ARHGEF3: variants seen among roughly 807,000 people sequenced by gnomAD.
The protein encoded by ARHGEF3 is Rho guanine nucleotide exchange factor 3, also known as 59.8 kDA protein.
A neutral mutation model predicts 63.2 loss-of-function variants in ARHGEF3; 28 were observed. The observed-to-expected ratio is 0.44, with a 90% CI of 0.33 to 0.61. The LOEUF (loss-of-function observed/expected upper bound fraction) is 0.61, where lower values mean the gene tolerates loss of function less well. Ranked by LOEUF, ARHGEF3 falls within the 20% of genes least tolerant of loss-of-function variation. The probability of loss-of-function intolerance (pLI) is 0.03; values close to 1 mark genes in which losing one functional copy is unlikely to be tolerated. For synonymous variants in ARHGEF3, 266 were observed against 254.2 expected (o/e 1.05, Z -0.44); for missense variants, 533 against 659.3 (o/e 0.81, Z 2.10).
At chr3:56,744,502 G>A (rs1051852676) in intron 7 of ARHGEF3, among the ~76,000 whole-genome samples, 1 of 150,936 alleles carries the variant, frequency 6.6e-6, no homozygotes, top group Non-Finnish European at 1.5e-5. Flanking sequence ...AGGCTCAAGC[G>A]ATTCTTGTGC....
At chr3:56,967,782 A>G (rs1356066201) in intron 2 of ARHGEF3, among the ~76,000 whole-genome samples, 28 of 86,066 alleles carry the variant, frequency 3.3e-4, no homozygotes, top group Non-Finnish European at 4.8e-4. Context: ...ATTATATTAT[A>G]TGATTATATA....
upstream of ARHGEF3, among the ~76,000 whole-genome samples, chr3:56,803,427 C>T (rs780750374): frequency 7.5e-5 from 11 of 146,720 alleles, no homozygotes; most frequent in South Asian, 6.5e-4. Flanking sequence ...TGACAGAGAC[C>T]CTGAGAAAAA....
intron 3 of ARHGEF3, among the ~76,000 whole-genome samples, chr3:56,958,059 A>T (rs989410849): frequency 6.6e-6 from 1 of 152,080 alleles, no homozygotes; most frequent in Non-Finnish European, 1.5e-5. Context: ...TGATTCCTAA[A>T]ATCTGTTTAA....
intron 1 of ARHGEF3, among the ~76,000 whole-genome samples, chr3:57,056,384 CAAA>C (rs10666149): frequency 2.5e-4 from 27 of 108,350 alleles, no homozygotes; most frequent in Admixed American, 8.9e-4. Context: ...AAGACTCCAT[CAAA>C]AAAAAAAAAA....
At chr3:56,781,659 A>T (rs139837489) in intron 1 of ARHGEF3, among the ~76,000 whole-genome samples, 6 of 152,352 alleles carry the variant, frequency 3.9e-5, no homozygotes, top group African/African-American at 4.8e-5. Context: ...AAACTAACAC[A>T]GGTGGTGTCT....
At chr3:56,744,484 C>T (rs2034253948) in intron 7 of ARHGEF3, among the ~76,000 whole-genome samples, 1 of 151,514 alleles carries the variant, frequency 6.6e-6, no homozygotes, top group Non-Finnish European at 1.5e-5. Context: ...CTGCAACCTC[C>T]ACCTCCCAGG....
chr3:57,067,669 T>C (rs1190864228), intron 1 of ARHGEF3, among the ~76,000 whole-genome samples: 3 of 149,850 alleles, frequency 2.0e-5, no homozygotes, highest in African/African-American at 7.4e-5. Flanking sequence ...ACCCAGTCTC[T>C]ACAAAAAATT....
chr3:56,867,294 T>C (rs1378502515), intron 4 of ARHGEF3, among the ~76,000 whole-genome samples: 2 of 152,284 alleles, frequency 1.3e-5, no homozygotes, highest in Admixed American at 1.3e-4. Flanking sequence ...CTGCCCCAGA[T>C]GTTGATAATA....
At chr3:56,859,238 C>T (rs1189339127) in intron 4 of ARHGEF3, among the ~76,000 whole-genome samples, 4 of 151,430 alleles carry the variant, frequency 2.6e-5, no homozygotes, top group Admixed American at 1.3e-4. Context: ...CCCGGGTTCA[C>T]GCCAATCTCC....
chr3:56,916,041 T>C (rs12629330), intron 3 of ARHGEF3, among the ~76,000 whole-genome samples: 142,187 of 152,212 alleles, frequency 0.93, 66,793 homozygotes, highest in Non-Finnish European at 0.99. Context: ...CTGACAGCTA[T>C]GCACGCCACT....
chr3:57,023,742 C>G, intron 2 of ARHGEF3, among the ~76,000 whole-genome samples: 1 of 152,208 alleles, frequency 6.6e-6, no homozygotes, highest in East Asian at 1.9e-4. Flanking sequence ...CTTTACCTGG[C>G]TATCCCTCAC....
Position 56,729,432 on chromosome 3 carries a change from C to G in ARHGEF3, c.1419G>C (p.Gly473=), listed in dbSNP as rs146324921. The change falls in exon 10 of 10, where the codon GGG becomes GGC. Residue 473 remains glycine, a synonymous_variant. Coordinates refer to ENST00000296315, the MANE Select transcript of ARHGEF3 (RefSeq NM_019555.3). The part of the protein sequence containing the change: ...SEGSFLNPTT[G]SRELQGETKL... ...TTGTTTCTCCCTGTAGCTCTCTGCT[C>G]CCGGTGGTGGGATTTAGGAACGATC... 3 of 1,614,128 alleles carry G rather than the reference C, an allele frequency of 1.9e-6. No homozygotes were observed. In the South Asian group the frequency reaches 3.3e-5, roughly 18 times the overall value.
intron 6 of ARHGEF3, among the ~76,000 whole-genome samples, chr3:56,746,309 G>T (rs868305263): frequency 6.6e-6 from 1 of 152,178 alleles, no homozygotes; most frequent in African/African-American, 2.4e-5. Flanking sequence ...TTTCATTTCT[G>T]TATCCTCACT....
At chr3:57,071,808 G>GA (rs1417364262) in intron 1 of ARHGEF3, among the ~76,000 whole-genome samples, 2 of 151,942 alleles carry the variant, frequency 1.3e-5, no homozygotes, top group Admixed American at 1.3e-4. Context: ...GCACTTCAAA[G>GA]AACACCATCA....
chr3:56,911,996 C>T (rs373838765), intron 3 of ARHGEF3, among the ~76,000 whole-genome samples: 4 of 150,568 alleles, frequency 2.7e-5, no homozygotes, highest in Admixed American at 6.6e-5. Flanking sequence ...TATATATATA[C>T]ATATATATGT....
At chr3:56,900,621 T>C in intron 3 of ARHGEF3, among the ~76,000 whole-genome samples, 1 of 152,150 alleles carries the variant, frequency 6.6e-6, no homozygotes, top group Admixed American at 6.5e-5. Context: ...CAGAGCAAGA[T>C]CCTGTCTCAA....
intron 4 of ARHGEF3, among the ~76,000 whole-genome samples, chr3:56,831,427 G>A (rs1051149275): frequency 1.3e-5 from 2 of 152,200 alleles, no homozygotes; most frequent in Non-Finnish European, 2.9e-5. Context: ...TATCAGGGTT[G>A]GAAAACTTTT....
At chr3:56,989,968 G>A (rs1701687114) in intron 2 of ARHGEF3, among the ~76,000 whole-genome samples, 1 of 152,190 alleles carries the variant, frequency 6.6e-6, no homozygotes, top group Non-Finnish European at 1.5e-5. Context: ...CACGCTATGG[G>A]ACTGTGAGGG....
intron 1 of ARHGEF3, among the ~76,000 whole-genome samples, chr3:57,044,589 G>A (rs1704365174): frequency 6.6e-6 from 1 of 152,186 alleles, no homozygotes; most frequent in African/African-American, 2.4e-5. Flanking sequence ...TGCCCCTGTG[G>A]CTTAATTACA....
Sources: gnomAD v4.1 joint callset for allele counts (sites outside exome capture counted in the v4.1 genomes callset) on GRCh38, gnomAD v4.1.1 for gene constraint, MANE v1.5 for transcripts, NCBI Gene and HGNC (gene_info 2026-07-23, HGNC 2026-07-21) for gene names.